FAAH2: variants seen among roughly 807,000 people sequenced by gnomAD.
FAAH2 encodes fatty-acid amide hydrolase 2.
FAAH2 carries 60 observed loss-of-function variants against 36.9 expected under a neutral mutation model. That is an observed-to-expected ratio of 1.63 (90% CI 1.32 to 2.02). FAAH2 has a LOEUF of 2.02. Among genes scored for constraint, FAAH2 ranks in the 30% most tolerant of loss-of-function variants. The pLI is 0.00. For synonymous variants in FAAH2, 214 were observed against 143.8 expected (o/e 1.49, Z -3.49); for missense variants, 689 against 397.5 (o/e 1.73, Z -6.23).
At chrX:57,389,267 CACACACACACCT>C (rs989939581) in intron 7 of FAAH2, among the ~76,000 whole-genome samples, 2 of 62,460 alleles carry the variant, frequency 3.2e-5, no homozygotes, top group Non-Finnish European at 6.3e-5. Context: ...CACACGCACA[CACACACACACCT>C]ACACACACAC....
the FAAH2 span, among the ~76,000 whole-genome samples, chrX:57,238,943 C>A: frequency 8.9e-6 from 1 of 111,845 alleles, no homozygotes; most frequent in Non-Finnish European, 1.9e-5. Flanking sequence ...CAGTTGTATC[C>A]ATTTCACTGA....
the FAAH2 span, among the ~76,000 whole-genome samples, chrX:57,178,708 A>G: frequency 8.9e-6 from 1 of 111,839 alleles, no homozygotes; most frequent in Non-Finnish European, 1.9e-5. Flanking sequence ...TGCTGCATAA[A>G]AGTTTCACAT....
chrX:57,122,162 C>T, the FAAH2 span, among the ~76,000 whole-genome samples: 1 of 111,776 alleles, frequency 8.9e-6, no homozygotes, highest in Non-Finnish European at 1.9e-5. Flanking sequence ...TCCCATCTCC[C>T]ATTTTTGAGG....
chrX:57,239,562 C>T, the FAAH2 span, among the ~76,000 whole-genome samples: 2 of 110,004 alleles, frequency 1.8e-5, no homozygotes, highest in Non-Finnish European at 3.8e-5. Context: ...TTTGTATTTT[C>T]TCAATTTGAA....
chrX:57,252,144 G>C, the FAAH2 span, among the ~76,000 whole-genome samples: 3 of 112,595 alleles, frequency 2.7e-5, no homozygotes, highest in Non-Finnish European at 5.6e-5. Context: ...GATTAACCTG[G>C]GATGCTGAAG....
the FAAH2 span, among the ~76,000 whole-genome samples, chrX:57,161,484 T>C: frequency 1.2e-4 from 13 of 111,287 alleles, 1 homozygote; most frequent in East Asian, 2.8e-4. Context: ...ATTATTATTG[T>C]GTGGGAGTCT....
At chrX:57,149,724 AT>A in the FAAH2 span, among the ~76,000 whole-genome samples, 15 of 110,910 alleles carry the variant, frequency 1.4e-4, no homozygotes, top group Non-Finnish European at 3.8e-5. Context: ...GGATTCATTA[AT>A]TTTTTGAAGG....
chrX:57,167,819 A>G, the FAAH2 span, among the ~76,000 whole-genome samples: 1 of 111,372 alleles, frequency 9.0e-6, no homozygotes, highest in Non-Finnish European at 1.9e-5. Context: ...TACTTGGGCA[A>G]GCTTTGGCCC....
chrX:57,451,749 G>A (rs999956748), intron 10 of FAAH2, among the ~76,000 whole-genome samples: 2 of 111,525 alleles, frequency 1.8e-5, no homozygotes, highest in Non-Finnish European at 3.8e-5. Flanking sequence ...GTTTGAAAAG[G>A]TAAGCATGTC....
At chrX:57,345,820 A>G (rs1156863754) in intron 5 of FAAH2, among the ~76,000 whole-genome samples, 1 of 111,533 alleles carries the variant, frequency 9.0e-6, no homozygotes, top group African/African-American at 3.2e-5. Context: ...TTGGTAAGTT[A>G]TTTTTTATTT....
chrX:57,206,389 T>A, the FAAH2 span, among the ~76,000 whole-genome samples: 1 of 112,219 alleles, frequency 8.9e-6, no homozygotes, highest in African/African-American at 3.2e-5. Flanking sequence ...GTAGTCTGAA[T>A]TTTATCAGGA....
rs776109148 is a variant in FAAH2 at position 57,324,838 on chromosome X, TC to T, written c.413-6758del. Among the ~76,000 whole-genome samples, 24 of 112,075 alleles carry T rather than the reference TC, an allele frequency of 2.1e-4. No homozygotes were observed. The South Asian group carries it at 8.9e-3, about 42-fold the overall frequency. ...CTAATGAATACCCTTTATTTCCTTC[TC>T]CTGCCTAATTGCCCTGGCCATAACT... On this transcript the variant is annotated intron_variant, in intron 3 of 10. Transcript: ENST00000374900.
chrX:57,442,525 C>G (rs187240483), intron 8 of FAAH2, among the ~76,000 whole-genome samples: 2 of 111,328 alleles, frequency 1.8e-5, no homozygotes, highest in African/African-American at 6.6e-5. Flanking sequence ...TATGGGTTTC[C>G]TGCATACAGC....
chrX:57,433,897 C>T (rs1484317639), intron 8 of FAAH2, among the ~76,000 whole-genome samples: 1 of 111,317 alleles, frequency 9.0e-6, no homozygotes, highest in East Asian at 2.8e-4. Flanking sequence ...GAACAATCCC[C>T]TATTCCCCTG....
the FAAH2 span, among the ~76,000 whole-genome samples, chrX:57,157,125 A>T: frequency 9.0e-6 from 1 of 111,685 alleles, no homozygotes; most frequent in Non-Finnish European, 1.9e-5. Context: ...CAGTTGCAAG[A>T]CCAAGTCCCT....
At chrX:57,267,503 C>T in the FAAH2 span, among the ~76,000 whole-genome samples, 1 of 112,768 alleles carries the variant, frequency 8.9e-6, no homozygotes, top group Non-Finnish European at 1.9e-5. Context: ...TGCAACAGTG[C>T]ACACAGTCTC....
At chrX:57,379,549 A>T (rs993519336) in intron 6 of FAAH2, among the ~76,000 whole-genome samples, 2 of 107,536 alleles carry the variant, frequency 1.9e-5, no homozygotes, top group Admixed American at 1.0e-4. Flanking sequence ...TCTCTCTCAC[A>T]CACACACACA....
intron 10 of FAAH2, among the ~76,000 whole-genome samples, chrX:57,456,842 C>T (rs146383405): frequency 0.012 from 1,385 of 111,400 alleles, 26 homozygotes; most frequent in African/African-American, 0.043. Flanking sequence ...CATGGATTCA[C>T]GGCCAAATTC....
chrX:57,170,988 G>A, the FAAH2 span, among the ~76,000 whole-genome samples: 1 of 111,082 alleles, frequency 9.0e-6, no homozygotes, highest in Non-Finnish European at 1.9e-5. Flanking sequence ...AGAATTTCAG[G>A]CATGTGCCAC....
Sources: gnomAD v4.1 joint callset for allele counts (sites outside exome capture counted in the v4.1 genomes callset) on GRCh38, gnomAD v4.1.1 for gene constraint, MANE v1.5 for transcripts, NCBI Gene and HGNC (gene_info 2026-07-23, HGNC 2026-07-21) for gene names.